Variants in NCOR2 observed in about 807,000 individuals in gnomAD.
The protein encoded by NCOR2 is nuclear receptor corepressor 2.
Under a neutral mutation model 262.9 loss-of-function variants are expected in NCOR2, and 81 were observed. The ratio of observed to expected loss-of-function variants is 0.31; its 90% confidence interval spans 0.26 to 0.37. NCOR2 has a LOEUF of 0.37. Among genes scored for constraint, NCOR2 ranks in the 10% least tolerant of loss-of-function variants. NCOR2 has a pLI of 1.00. For missense variants in NCOR2, 3,385 were observed against 3,621.4 expected, an observed-to-expected ratio of 0.93 and a Z score of 1.68; for synonymous variants, 1,659 against 1,559.3, an observed-to-expected ratio of 1.06 and a Z score of -1.51.
intron 6 of NCOR2, among the ~76,000 whole-genome samples, chr12:124,453,109 CA>C (rs761366845): frequency 4.6e-5 from 7 of 152,184 alleles, no homozygotes; most frequent in Non-Finnish European, 1.0e-4. Context: ...CTGGCAGGTG[CA>C]TTGCTGAGGG....
chr12:124,488,828 G>A (rs1056506036), intron 1 of NCOR2, among the ~76,000 whole-genome samples: 20 of 152,200 alleles, frequency 1.3e-4, no homozygotes, highest in Admixed American at 3.9e-4. Context: ...AGAGGGCCTC[G>A]GCCCGATAGT....
At chr12:124,342,064 G>A (rs1382913776) in exon 34 of NCOR2, 4 of 1,608,804 alleles carry the variant, frequency 2.5e-6, no homozygotes, top group Non-Finnish European at 3.4e-6. Context: ...GGGGCAGGTA[G>A]TAGGCAGCGG....
intron 43 of NCOR2, 145 bp from the exon 46 acceptor site, chr12:124,331,043 A>T: frequency 2.8e-6 from 2 of 708,576 alleles, no homozygotes; most frequent in South Asian, 1.9e-5. Flanking sequence ...GGCCTGGGAC[A>T]GGGCCAAGCG....
intron 1 of NCOR2, among the ~76,000 whole-genome samples, chr12:124,520,596 C>T (rs701037): frequency 0.23 from 35,352 of 152,130 alleles, 4,461 homozygotes; most frequent in Non-Finnish European, 0.28. Context: ...CCCCGCCAGA[C>T]ACTCCGCAGC....
intron 7 of NCOR2, among the ~76,000 whole-genome samples, chr12:124,448,648 A>AAATGCTGCAGGAG (rs2045333352): frequency 6.6e-6 from 1 of 152,128 alleles, no homozygotes; most frequent in African/African-American, 2.4e-5. Flanking sequence ...AACAATGACC[A>AAATGCTGCAGGAG]GGTGGCCAAG....
At position 124,440,488 on chromosome 12, in the gene NCOR2, T is replaced by A. The variant is rs542095490; in HGVS notation, c.816-2492A>T. ...CAGGCTAGGACCAGCACCCTTCATCTCATAACAGGGTGTCTCTGAGCACAC... is the reference window on the plus strand; with the variant it reads ...CAGGCTAGGACCAGCACCCTTCATCACATAACAGGGTGTCTCTGAGCACAC... On this transcript the variant is annotated intron_variant, in intron 7 of 46. Coordinates refer to ENST00000405201, the Ensembl canonical transcript of NCOR2. This position sits in a 1 kb window ranked among gnomAD's most constrained non-coding sequence, Gnocchi z 5.7. Among the ~76,000 whole-genome samples, 9 of 152,302 alleles carry A rather than the reference T, an allele frequency of 5.9e-5. No homozygotes were observed.
At chr12:124,450,161 C>A (rs936464548) in intron 6 of NCOR2, among the ~76,000 whole-genome samples, 1 of 152,252 alleles carries the variant, frequency 6.6e-6, no homozygotes, top group African/African-American at 2.4e-5. Flanking sequence ...CAGCCCAGAG[C>A]ACACCCGGAC....
At chr12:124,371,632 C>T (rs1204855467) in intron 20 of NCOR2, among the ~76,000 whole-genome samples, 1 of 152,180 alleles carries the variant, frequency 6.6e-6, no homozygotes. Flanking sequence ...TCGGAGGCTG[C>T]GTCTCGGCCT....
chr12:124,449,596 C>T (rs2136497398), intron 7 of NCOR2, among the ~76,000 whole-genome samples: 1 of 152,030 alleles, frequency 6.6e-6, no homozygotes, highest in South Asian at 2.1e-4. Flanking sequence ...CCAAACCCAG[C>T]CTGTCTCCCA....
At chr12:124,341,736 A>G in intron 34 of NCOR2, 87 bp downstream of exon 36, 1 of 1,527,596 alleles carries the variant, frequency 6.5e-7, no homozygotes, top group East Asian at 2.3e-5. Flanking sequence ...GACCAGGTCT[A>G]GCTGCCTCCG....
Position 124,350,749 on chromosome 12 carries a change from G to T in NCOR2, c.3694-12C>A. The T allele has an allele frequency of 1.9e-6, 3 of 1,607,764 alleles. No homozygotes were observed. The highest frequency in any genetic ancestry group is 2.5e-6 in the Non-Finnish European group (3 of 1,179,118). ...TCAGCTGGCGTGCCCTGCAGGTGCA[G>T]AGGGGTGAGCGCCCAGGAGGCTGCA... On this transcript the variant is annotated splice_polypyrimidine_tract_variant and intron_variant, in intron 27 of 46. Transcript: ENST00000405201.
chr12:124,456,498 C>T (rs975923347), intron 6 of NCOR2, among the ~76,000 whole-genome samples: 6 of 152,122 alleles, frequency 3.9e-5, no homozygotes, highest in Non-Finnish European at 5.9e-5. Flanking sequence ...CAGCCATCAT[C>T]GCCATCATCG....
intron 5 of NCOR2, among the ~76,000 whole-genome samples, chr12:124,465,905 A>G (rs974033971): frequency 6.6e-6 from 1 of 152,174 alleles, no homozygotes; most frequent in African/African-American, 2.4e-5. Context: ...CTGGAGCCCA[A>G]AACCTCTGTT....
At chr12:124,558,775 G>A (rs545411207) in intron 1 of NCOR2, among the ~76,000 whole-genome samples, 32 of 152,234 alleles carry the variant, frequency 2.1e-4, no homozygotes, top group Middle Eastern at 6.8e-3. Context: ...GCTACGACAC[G>A]GTCTGCAGGG....
At chr12:124,330,697 A>T in intron 44 of NCOR2, 148 bp downstream of exon 46, 1 of 831,698 alleles carries the variant, frequency 1.2e-6, no homozygotes, top group Non-Finnish European at 1.9e-6. Context: ...TGTGACTCTG[A>T]ATCCTACTGT....
At chr12:124,334,518 G>C in exon 41 of NCOR2, 1 of 1,442,914 alleles carries the variant, frequency 6.9e-7, no homozygotes, top group Non-Finnish European at 9.1e-7. Context: ...CGGAGGTCCA[G>C]GACGGGGCAG....
intron 34 of NCOR2, 111 bp from the exon 37 acceptor site, chr12:124,340,862 G>A: frequency 9.1e-7 from 1 of 1,098,198 alleles, no homozygotes; most frequent in East Asian, 3.2e-5. Flanking sequence ...GGAGCCAGCA[G>A]AGCTGGTGGC....
chr12:124,525,901 T>C (rs837466), intron 1 of NCOR2, among the ~76,000 whole-genome samples: 116,399 of 152,174 alleles, frequency 0.76, 44,980 homozygotes, highest in East Asian at 1. Flanking sequence ...TAGCACCTAC[T>C]TTCTAAGGCT....
At chr12:124,336,616 T>A in intron 38 of NCOR2, 137 bp downstream of exon 40, 2 of 1,457,868 alleles carry the variant, frequency 1.4e-6, no homozygotes, top group South Asian at 2.9e-5. Flanking sequence ...CGAGACGGGG[T>A]GGGTGCGGGC....
Sources: gnomAD v4.1 joint callset for allele counts (sites outside exome capture counted in the v4.1 genomes callset) on GRCh38, gnomAD v4.1.1 for gene constraint, Gnocchi (gnomAD v3.1) non-coding constraint, MANE v1.5 for transcripts, NCBI Gene and HGNC (gene_info 2026-07-23, HGNC 2026-07-21) for gene names.